The following CHMP7 variants were observed in gnomAD, a reference collection of about 807,000 sequenced individuals.
CHMP7 encodes the protein charged multivesicular body protein 7, also known as CHMP family, member 7.
A neutral mutation model predicts 53.7 loss-of-function variants in CHMP7; 15 were observed. The observed-to-expected ratio is 0.28, with a 90% CI of 0.19 to 0.43. CHMP7 has a LOEUF of 0.43. Among genes scored for constraint, CHMP7 ranks in the 20% least tolerant of loss-of-function variants. CHMP7 has a pLI of 1.00. For missense variants in CHMP7, 527 were observed against 569.4 expected (o/e 0.93, Z 0.76); for synonymous variants, 261 against 228.0 (o/e 1.14, Z -1.30).
At position 23,260,187 on chromosome 8, in the gene CHMP7, T is replaced by G; in HGVS notation, c.1164T>G (p.Leu388=). The change falls in exon 10 of 11, where the codon CTT becomes CTG. Residue 388 remains leucine, a synonymous_variant. Coordinates refer to ENST00000397677, the MANE Select transcript of CHMP7 (RefSeq NM_152272.5). The stretch of plus-strand genomic sequence containing the variant: ...TGGAGAAGGAATTGGACATCCTCCT[T>G]CAGGATACCACCAAAGAACCTTTGG... ...EELEKELDIL[L]QDTTKEPLDL... 1 of 1,614,180 alleles carries G rather than the reference T, an allele frequency of 6.2e-7. No homozygotes were observed. Among genetic ancestry groups the G allele is most frequent in the Non-Finnish European group, 8.5e-7 (1 of 1,180,016 alleles).
chr8:23,255,486 T>C (rs2128859071), intron 4 of CHMP7, 54 bp downstream of exon 4: 3 of 1,539,022 alleles, frequency 1.9e-6, no homozygotes, highest in South Asian at 1.1e-5. Flanking sequence ...ATTAAGTACA[T>C]AGAGTAGTGA....
chr8:23,250,620 CTGTGTGTGTGTG>C (rs59970101), intron 3 of CHMP7, among the ~76,000 whole-genome samples: 42,772 of 143,276 alleles, frequency 0.3, 6,912 homozygotes, highest in East Asian at 0.44. Context: ...TGATAGGGGC[CTGTGTGTGTGTG>C]TGTGTGTGTG....
At position 23,248,303 on chromosome 8, in the gene CHMP7, C is replaced by T. The variant is rs115105658; in HGVS notation, c.300-907C>T. 847 of 407,480 alleles carry T rather than the reference C, an allele frequency of 2.1e-3. 6 individuals are homozygous for T. Among genetic ancestry groups the T allele is most frequent in the African/African-American group, 0.016 (783 of 48,808 alleles). The allele number at this position is 407,480 out of a possible 1,614,324, so 25.2% of individuals were successfully genotyped here. ...AATACCTCTATGGTGGTATTAAAGTCTCTTCTCCTGACTGCTGGTGCTCCA... is the reference window on the plus strand; with the variant it reads ...AATACCTCTATGGTGGTATTAAAGTTTCTTCTCCTGACTGCTGGTGCTCCA... On this transcript the variant is annotated intron_variant, in intron 2 of 10. Transcript: ENST00000397677.
At chr8:23,255,214 A>G in intron 3 of CHMP7, 33 bp from the exon 4 acceptor site, 2 of 1,610,866 alleles carry the variant, frequency 1.2e-6, no homozygotes, top group Non-Finnish European at 1.7e-6. Context: ...GGCAGTGGCC[A>G]GGGCCTGTCA....
At chr8:23,260,103 C>G in intron 9 of CHMP7, 41 bp from the exon 10 acceptor site, 1 of 1,541,160 alleles carries the variant, frequency 6.5e-7, no homozygotes, top group Middle Eastern at 1.7e-4. Context: ...ATGCATTTCT[C>G]CCTTGAGTTT....
At chr8:23,247,410 G>T (rs1297246338) in intron 2 of CHMP7, among the ~76,000 whole-genome samples, 2 of 152,200 alleles carry the variant, frequency 1.3e-5, no homozygotes, top group Non-Finnish European at 2.9e-5. Context: ...GGCATTCGTG[G>T]GGAAGAGGCC....
chr8:23,259,138 A>C lies in CHMP7; in HGVS notation c.1120+12A>C, dbSNP rs1802264224. On this transcript the variant is annotated intron_variant, in intron 9 of 10. Coordinates refer to ENST00000397677, the MANE Select transcript of CHMP7 (RefSeq NM_152272.5). ...AACAAATGGCTTAGGTGAGTGGACA[A>C]GGTGGTTATTTTTATTTTTATTCAT... The C allele has an allele frequency of 7.7e-7, 1 of 1,301,704 alleles. No homozygotes were observed. Among genetic ancestry groups the C allele is most frequent in the African/African-American group, 1.5e-5 (1 of 66,922 alleles). The allele number at this position is 1,301,704 out of a possible 1,614,324, so 80.6% of individuals were successfully genotyped here. A position where few individuals can be genotyped will look rare whatever the true frequency, so the allele number is the denominator to read the frequency against.
chr8:23,247,032 C>A, intron 2 of CHMP7, 38 bp downstream of exon 2: 1 of 1,422,088 alleles, frequency 7.0e-7, no homozygotes, highest in Non-Finnish European at 9.2e-7. Context: ...CGAGGGCGGG[C>A]GGGGGCAGCT....
At chr8:23,253,146 A>C (rs1801994298) in intron 3 of CHMP7, among the ~76,000 whole-genome samples, 1 of 152,128 alleles carries the variant, frequency 6.6e-6, no homozygotes. Flanking sequence ...TTCCTCCCTG[A>C]ATGTCCTTGG....
chr8:23,258,225 G>A (rs1252373354), intron 6 of CHMP7, 105 bp from the exon 7 acceptor site: 1 of 1,523,150 alleles, frequency 6.6e-7, no homozygotes, highest in African/African-American at 1.4e-5. Flanking sequence ...TTTTACAGAT[G>A]GGAGGGAAGA....
intron 7 of CHMP7, 50 bp downstream of exon 7, chr8:23,258,499 T>G (rs1563411747): frequency 6.2e-7 from 1 of 1,606,708 alleles, no homozygotes; most frequent in African/African-American, 1.3e-5. Flanking sequence ...CCGTGTGTGT[T>G]GGTCACTTGC....
intron 7 of CHMP7, 32 bp from the exon 8 acceptor site, chr8:23,258,700 C>A: frequency 1.3e-6 from 2 of 1,491,412 alleles, no homozygotes; most frequent in South Asian, 2.3e-5. Flanking sequence ...AAATGTCTGT[C>A]ATTTGCACTG....
chr8:23,257,861 C>T lies in CHMP7; in HGVS notation c.792-172C>T, dbSNP rs535947504. Among the ~76,000 whole-genome samples, 284 of 152,364 alleles carry T rather than the reference C, an allele frequency of 1.9e-3. 2 individuals are homozygous for T. Among genetic ancestry groups the T allele is most frequent in the African/African-American group, 6.6e-3 (273 of 41,586 alleles). On this transcript the variant is annotated intron_variant, in intron 5 of 10. Transcript: ENST00000397677. ...TGAGCCTGCCACAACAGACTGTCAA[C>T]AGACTTGCCACAAGAGTTTTTGCCG...
chr8:23,259,207 C>T lies in CHMP7; in HGVS notation c.1120+81C>T, dbSNP rs1268722911. 1.4e-4 allele frequency: 95 copies of T among 696,260 alleles called. No individual in the cohort carries two copies. In the Admixed American group the frequency reaches 1.6e-3, roughly 12 times the overall value. The allele number at this position is 696,260 out of a possible 1,614,324, so 43.1% of individuals were successfully genotyped here. On this transcript the variant is annotated intron_variant, in intron 9 of 10. Transcript: ENST00000397677. ...TTTTTGAGACGGAGTCTCGCTCTGT[C>T]GCCCAGGCTGGAGTGCAGTGGCGGG...
rs373288680 is a variant in CHMP7, at chr8:23,252,195, C to CTTTTTTTTTTTTT, written c.471+2816_471+2828dup. Reference sequence around the variant, plus strand: ...CCTTTCCTGTTTTGTATTGTGTTATCTTTTTTTTTTTTTTGAGATGGAGTT... The same window carrying CTTTTTTTTTTTTT: ...CCTTTCCTGTTTTGTATTGTGTTATCTTTTTTTTTTTTTTTTTTTTTTTTTTTGAGATGGAGTT... On this transcript the variant is annotated intron_variant, in intron 3 of 10. Coordinates refer to ENST00000397677, the MANE Select transcript of CHMP7 (RefSeq NM_152272.5). Among the ~76,000 whole-genome samples, 599 of 105,168 alleles carry CTTTTTTTTTTTTT rather than the reference C, an allele frequency of 5.7e-3. 75 individuals are homozygous for CTTTTTTTTTTTTT. The highest frequency in any genetic ancestry group is 9.7e-3 in the South Asian group (27 of 2,794). The allele number at this position is 105,168 out of a possible 152,430, so 69.0% of individuals were successfully genotyped here.
At chr8:23,255,880 G>A (rs1348876148) in intron 4 of CHMP7, among the ~76,000 whole-genome samples, 1 of 151,072 alleles carries the variant, frequency 6.6e-6, no homozygotes, top group East Asian at 2.0e-4. Flanking sequence ...TTCTGCCTCA[G>A]CCTCCCAAGT....
chr8:23,244,499 T>C (rs912427479), intron 1 of CHMP7, among the ~76,000 whole-genome samples: 1 of 152,256 alleles, frequency 6.6e-6, no homozygotes, highest in African/African-American at 2.4e-5. Context: ...TCCATTTATC[T>C]ATTTGTTTAT....
intron 3 of CHMP7, chr8:23,254,979 G>C: frequency 2.0e-6 from 1 of 496,332 alleles, no homozygotes; most frequent in Non-Finnish European, 3.7e-6. Context: ...GTGAGAGGCA[G>C]GAGTGTAAAA....
At position 23,248,280 on chromosome 8, in the gene CHMP7, T is replaced by G. The variant is rs1294435104; in HGVS notation, c.300-930T>G. ...TCCACTTCCAATTCAGACACTTTAATACCTCTATGGTGGTATTAAAGTCTC... is the reference window on the plus strand; with the variant it reads ...TCCACTTCCAATTCAGACACTTTAAGACCTCTATGGTGGTATTAAAGTCTC... On this transcript the variant is annotated intron_variant, in intron 2 of 10. Transcript: ENST00000397677. The G allele has an allele frequency of 6.7e-6, 3 of 446,444 alleles. No homozygotes were observed. The East Asian group carries it at 2.1e-4, about 32-fold the overall frequency. 27.7% of individuals were successfully genotyped at this position (446,444 alleles called of 1,614,324 possible).
Sources: allele counts gnomAD v4.1 joint callset (sites outside exome capture counted in the v4.1 genomes callset), GRCh38; gene constraint gnomAD v4.1.1; transcripts MANE v1.5; gene names NCBI Gene and HGNC (gene_info 2026-07-23, HGNC 2026-07-21).